Variants in FHAD1 observed in about 807,000 individuals in gnomAD.
The protein encoded by FHAD1 is forkhead-associated domain-containing protein 1.
In FHAD1, 146 loss-of-function variants were observed where a neutral mutation model predicts 191.3. That is an observed-to-expected ratio of 0.76 (90% CI 0.67 to 0.88). The LOEUF is 0.88. FHAD1 is among the 40% of genes least tolerant of loss of function. FHAD1 has a pLI of 0.00. For synonymous variants in FHAD1, 616 were observed against 672.3 expected, an observed-to-expected ratio of 0.92 and a Z score of 1.29; for missense variants, 1,635 against 1,785.8, an observed-to-expected ratio of 0.92 and a Z score of 1.52.
At chr1:15,340,133 A>G (rs1685937156) in intron 15 of FHAD1, among the ~76,000 whole-genome samples, 1 of 152,226 alleles carries the variant, frequency 6.6e-6, no homozygotes, top group Admixed American at 6.5e-5. Context: ...CCTTAATGCC[A>G]TCAGATTTTG....
intron 8 of FHAD1, among the ~76,000 whole-genome samples, chr1:15,313,994 A>C (rs887991767): frequency 1.3e-5 from 2 of 151,964 alleles, no homozygotes; most frequent in Admixed American, 1.3e-4. Context: ...TGGGAGGCAG[A>C]AATTGCAGTG....
chr1:15,376,260 T>C (rs924504957), intron 28 of FHAD1, among the ~76,000 whole-genome samples: 3 of 151,794 alleles, frequency 2.0e-5, no homozygotes, highest in Admixed American at 1.3e-4. Context: ...CGGCTAATTT[T>C]TTTGTATTTT....
In FHAD1 at chr1:15,272,465, G is replaced by A; in HGVS notation, c.236G>A (p.Gly79Glu). ...IQNVAVKLIP[G>E]DILRFGSAGL... is the part of the protein sequence containing the mutation. Reference sequence around the variant, plus strand: ...AACGTGGCTGTGAAGCTCATCCCTGGAGACATCCTGAGATTTGGGTCTGCA... The same window carrying A: ...AACGTGGCTGTGAAGCTCATCCCTGAAGACATCCTGAGATTTGGGTCTGCA... Residue 79 changes from glycine (G) to glutamate (E), a missense_variant, in exon 3 of 34, where the codon GGA becomes GAA. Transcript: ENST00000688493. 1.9e-6 allele frequency: 3 copies of A among 1,551,198 alleles called. No individual in the cohort carries two copies. The highest frequency in any genetic ancestry group is 2.6e-6 in the Non-Finnish European group (3 of 1,147,006).
At chr1:15,300,997 T>G (rs1183660675) in intron 5 of FHAD1, among the ~76,000 whole-genome samples, 1 of 152,030 alleles carries the variant, frequency 6.6e-6, no homozygotes, top group Non-Finnish European at 1.5e-5. Flanking sequence ...ACCCAGCTAA[T>G]TTTTGTATTT....
chr1:15,295,555 C>T (rs1666643766), intron 4 of FHAD1, among the ~76,000 whole-genome samples: 1 of 152,138 alleles, frequency 6.6e-6, no homozygotes, highest in African/African-American at 2.4e-5. Flanking sequence ...CTGCAGTGAT[C>T]CATGATCATG....
chr1:15,268,381 A>C (rs925013613), intron 2 of FHAD1, among the ~76,000 whole-genome samples: 1 of 150,490 alleles, frequency 6.6e-6, no homozygotes, highest in African/African-American at 2.4e-5. Context: ...ACATTTTCTT[A>C]ATCCAGTCTA....
downstream of FHAD1, among the ~76,000 whole-genome samples, chr1:15,400,852 A>G (rs12561771): frequency 0.099 from 15,103 of 152,316 alleles, 953 homozygotes; most frequent in South Asian, 0.23. Context: ...CCCAGTGCAC[A>G]AGCACTTTTC....
At chr1:15,390,271 G>A (rs537323959) in intron 32 of FHAD1, among the ~76,000 whole-genome samples, 1 of 150,616 alleles carries the variant, frequency 6.6e-6, no homozygotes, top group African/African-American at 2.5e-5. Context: ...CTTGAACCTG[G>A]GAGGCAAAGG....
chr1:15,328,624 T>C (rs890972786), intron 13 of FHAD1, 195 bp downstream of exon 13: 56 of 451,878 alleles, frequency 1.2e-4, no homozygotes, highest in Non-Finnish European at 1.8e-4. Context: ...CCGGGAGAAC[T>C]TGGCGTGTCC....
At chr1:15,402,453 C>T (rs146406978), downstream of FHAD1, among the ~76,000 whole-genome samples, 98 of 152,304 alleles carry the variant, frequency 6.4e-4, no homozygotes, top group African/African-American at 2.2e-3. Flanking sequence ...TTACTTTTGA[C>T]GTCCACATAT....
intron 23 of FHAD1, chr1:15,364,179 G>A (rs533840526): frequency 3.0e-5 from 6 of 202,056 alleles, no homozygotes; most frequent in East Asian, 2.8e-4. Context: ...GGACACACAC[G>A]CATGCATGCA....
At chr1:15,358,870 G>T (rs1309939410) in intron 21 of FHAD1, among the ~76,000 whole-genome samples, 1 of 152,186 alleles carries the variant, frequency 6.6e-6, no homozygotes, top group Non-Finnish European at 1.5e-5. Context: ...TTTCACGAGG[G>T]TGTGGCGTTG....
In FHAD1 at chr1:15,375,685, T is replaced by C; in HGVS notation, c.3660T>C (p.Asp1220=). ...ACAATGTCCAGAAAATACTACTGGA[T>C]GCAAAACCGGATTTGCCAACTCTCT... ...MENNVQKILL[D]AKPDLPTLSR... The change falls in exon 28 of 34, where the codon GAT becomes GAC. Residue 1220 remains aspartate (D), a synonymous_variant. Coordinates refer to ENST00000688493, the MANE Select transcript of FHAD1 (RefSeq NM_001391957.1). 6.5e-7 allele frequency: 1 copy of C among 1,547,192 alleles called. No individual in the cohort carries two copies. Among genetic ancestry groups the C allele is most frequent in the Non-Finnish European group, 8.7e-7 (1 of 1,145,706 alleles).
chr1:15,362,736 C>T lies in FHAD1; in HGVS notation c.3047+10C>T, dbSNP rs758723243. 6.1e-5 allele frequency: 95 copies of T among 1,549,300 alleles called. No individual in the cohort carries two copies. The Middle Eastern group carries it at 1.0e-3, about 17-fold the overall frequency. On this transcript the variant is annotated intron_variant, in intron 23 of 33. Coordinates refer to ENST00000688493, the MANE Select transcript of FHAD1 (RefSeq NM_001391957.1). ...CGTACGAACATCTGATGTGAGTACC[C>T]GTGGGTGTGTGAGCGCCAGGCATTC...
chr1:15,287,275 T>C (rs1435161231), intron 3 of FHAD1: 1 of 152,256 alleles, frequency 6.6e-6, no homozygotes, highest in Non-Finnish European at 1.5e-5. Flanking sequence ...AGTGGGCCAG[T>C]GTCATTTGAA....
At chr1:15,290,843 G>C (rs912254830) in intron 4 of FHAD1, among the ~76,000 whole-genome samples, 1 of 151,930 alleles carries the variant, frequency 6.6e-6, no homozygotes, top group African/African-American at 2.4e-5. Flanking sequence ...CGAGTAGCTG[G>C]GACTACAGGC....
intron 1 of FHAD1, among the ~76,000 whole-genome samples, chr1:15,238,401 A>T (rs969877513): frequency 2.6e-5 from 4 of 152,208 alleles, no homozygotes; most frequent in Admixed American, 6.5e-5. Flanking sequence ...GTTGATTGGA[A>T]GCAGCTTTCT....
At chr1:15,345,975 A>G (rs1688777727) in intron 18 of FHAD1, among the ~76,000 whole-genome samples, 1 of 152,124 alleles carries the variant, frequency 6.6e-6, no homozygotes, top group South Asian at 2.1e-4. Flanking sequence ...GCCGACAGAA[A>G]GTTTTCCCTT....
chr1:15,338,473 T>C (rs1685167772), intron 14 of FHAD1, among the ~76,000 whole-genome samples: 1 of 152,252 alleles, frequency 6.6e-6, no homozygotes. Flanking sequence ...AGCCATGTGA[T>C]GACATTGGGT....
Sources: allele counts gnomAD v4.1 joint callset (sites outside exome capture counted in the v4.1 genomes callset), GRCh38; gene constraint gnomAD v4.1.1; transcripts MANE v1.5; gene names NCBI Gene and HGNC (gene_info 2026-07-23, HGNC 2026-07-21).